The following DHX32 variants were observed in gnomAD, a reference collection of about 807,000 sequenced individuals.
DHX32 encodes putative pre-mRNA-splicing factor ATP-dependent RNA helicase DHX32.
Under a neutral mutation model 70.0 loss-of-function variants are expected in DHX32, and 51 were observed. The ratio of observed to expected loss-of-function variants is 0.73; its 90% confidence interval spans 0.58 to 0.92. DHX32 has a LOEUF of 0.92. Among genes scored for constraint, DHX32 ranks in the 40% least tolerant of loss-of-function variants. The pLI, the probability that DHX32 is intolerant of heterozygous loss-of-function variation, is 0.00. For missense variants in DHX32, 762 were observed against 891.8 expected (o/e 0.85, Z 1.85); for synonymous variants, 310 against 315.3 (o/e 0.98, Z 0.18).
chr10:125,864,158 C>T (rs111681929), intron 2 of DHX32, among the ~76,000 whole-genome samples: 1 of 152,140 alleles, frequency 6.6e-6, no homozygotes, highest in Non-Finnish European at 1.5e-5. Context: ...TGGCCTCTTT[C>T]CTGTGACTCA....
At chr10:125,852,185 T>G in intron 6 of DHX32, 108 bp downstream of exon 6, 1 of 1,374,114 alleles carries the variant, frequency 7.3e-7, no homozygotes, top group Non-Finnish European at 9.8e-7. Context: ...CAACGCCCCC[T>G]CCATGCTTGT....
At chr10:125,840,745 G>A in intron 8 of DHX32, 102 bp downstream of exon 8, 2 of 1,352,900 alleles carry the variant, frequency 1.5e-6, no homozygotes, top group Non-Finnish European at 2.0e-6. Flanking sequence ...CAAGTGGCCA[G>A]TAGGGCTGGC....
At chr10:125,878,104 C>T (rs376224030) in intron 1 of DHX32, among the ~76,000 whole-genome samples, 78 of 152,242 alleles carry the variant, frequency 5.1e-4, no homozygotes, top group African/African-American at 1.8e-3. Flanking sequence ...CAACAACAAA[C>T]TGAATAATAA....
chr10:125,840,732 A>G, intron 8 of DHX32, 115 bp downstream of exon 8: 1 of 1,223,414 alleles, frequency 8.2e-7, no homozygotes, highest in Non-Finnish European at 1.1e-6. Flanking sequence ...GTGCCATTGC[A>G]TTCAAGTGGC....
intron 7 of DHX32, chr10:125,841,369 T>C (rs1205638942): frequency 6.2e-7 from 1 of 1,613,324 alleles, no homozygotes; most frequent in Admixed American, 1.7e-5. Flanking sequence ...AATTAAAACA[T>C]ACAAGCCAGG....
chr10:125,843,590 C>T (rs558275709), intron 6 of DHX32, among the ~76,000 whole-genome samples: 2 of 151,560 alleles, frequency 1.3e-5, no homozygotes, highest in African/African-American at 2.4e-5. Flanking sequence ...CCAGCCTGGG[C>T]GACAGAGCGA....
At chr10:125,892,921 C>A (rs1944380145) in intron 1 of DHX32, among the ~76,000 whole-genome samples, 1 of 152,178 alleles carries the variant, frequency 6.6e-6, no homozygotes, top group South Asian at 2.1e-4. Flanking sequence ...TGACCCCTAA[C>A]TAAAGGTTTG....
intron 6 of DHX32, among the ~76,000 whole-genome samples, chr10:125,843,719 CAG>C (rs1350822924): frequency 6.6e-6 from 1 of 152,324 alleles, no homozygotes; most frequent in Non-Finnish European, 1.5e-5. Context: ...GGAAATGACT[CAG>C]GGAAGCTGCG....
chr10:125,837,081 T>C (rs188315668), intron 10 of DHX32, among the ~76,000 whole-genome samples: 32 of 152,356 alleles, frequency 2.1e-4, no homozygotes, highest in Admixed American at 1.7e-3. Flanking sequence ...TCTAGTGTTA[T>C]GCCACACAGT....
intron 7 of DHX32, chr10:125,841,434 AAC>A (rs1854878096): frequency 6.4e-7 from 1 of 1,569,866 alleles, no homozygotes; most frequent in Non-Finnish European, 8.6e-7. Context: ...TTTGGGGAAA[AAC>A]ACCTCTAGTG....
At chr10:125,894,797 G>T (rs1266088968) in intron 1 of DHX32, among the ~76,000 whole-genome samples, 1 of 152,310 alleles carries the variant, frequency 6.6e-6, no homozygotes, top group South Asian at 2.1e-4. Context: ...TTTTGATTAT[G>T]ATATACTGAT....
At chr10:125,851,553 G>A (rs1354371820) in intron 6 of DHX32, among the ~76,000 whole-genome samples, 1 of 152,184 alleles carries the variant, frequency 6.6e-6, no homozygotes, top group Non-Finnish European at 1.5e-5. Context: ...GAGATGAACA[G>A]TGGGACTGGA....
upstream of DHX32, chr10:125,881,294 C>T (rs1010685815): frequency 4.5e-5 from 7 of 154,416 alleles, no homozygotes; most frequent in African/African-American, 1.7e-4. Flanking sequence ...TGATTCTGCA[C>T]TGGGCCTCGT....
At chr10:125,894,725 T>A (rs1944413982) in intron 1 of DHX32, among the ~76,000 whole-genome samples, 1 of 152,312 alleles carries the variant, frequency 6.6e-6, no homozygotes, top group Non-Finnish European at 1.5e-5. Flanking sequence ...TTGAGCAGAC[T>A]TAATCCTACC....
intron 6 of DHX32, among the ~76,000 whole-genome samples, chr10:125,851,090 A>G (rs1944083740): frequency 6.6e-6 from 1 of 152,256 alleles, no homozygotes; most frequent in Non-Finnish European, 1.5e-5. Context: ...AACAGCCTGT[A>G]GCCTAGTTAT....
At chr10:125,879,172 C>T (rs1589717790) in intron 1 of DHX32, among the ~76,000 whole-genome samples, 1 of 151,398 alleles carries the variant, frequency 6.6e-6, no homozygotes, top group East Asian at 1.9e-4. Context: ...CACAGGCACG[C>T]ACCACCATGC....
At chr10:125,842,820 C>G in intron 6 of DHX32, 1 of 940,346 alleles carries the variant, frequency 1.1e-6, no homozygotes, top group Non-Finnish European at 1.3e-6. Context: ...CTCTCCATCT[C>G]TTTATTTCTT....
intron 1 of DHX32, chr10:125,890,719 T>A (rs1244103656): frequency 6.6e-6 from 1 of 152,252 alleles, no homozygotes; most frequent in Non-Finnish European, 1.5e-5. Flanking sequence ...ATTGGTTGAA[T>A]AACCAACCCT....
Position 125,870,985 on chromosome 10 carries a change from T to C in DHX32, c.283-3802A>G, listed in dbSNP as rs147179537. Among the ~76,000 whole-genome samples, 5 of 152,344 alleles carry C rather than the reference T, an allele frequency of 3.3e-5. No homozygotes were observed. The East Asian group carries it at 7.7e-4, about 23-fold the overall frequency. On this transcript the variant is annotated intron_variant, in intron 1 of 10. Transcript: ENST00000284690. ...ATACTATCCAGTTTTATTAAAACAT[T>C]TGGACACGTTCAGCCTGGTTATTCA...
Sources: allele counts gnomAD v4.1 joint callset (sites outside exome capture counted in the v4.1 genomes callset), GRCh38; gene constraint gnomAD v4.1.1; transcripts MANE v1.5; gene names NCBI Gene and HGNC (gene_info 2026-07-23, HGNC 2026-07-21).